CUL5: variants seen among roughly 807,000 people sequenced by gnomAD.
CUL5 encodes the protein cullin-5.
A neutral mutation model predicts 108.8 loss-of-function variants in CUL5; 26 were observed. The observed-to-expected ratio is 0.24, with a 90% CI of 0.18 to 0.33. The LOEUF is 0.33. Among genes scored for constraint, CUL5 ranks in the 10% least tolerant of loss-of-function variants. CUL5 has a pLI of 1.00. For synonymous variants in CUL5, 334 were observed against 298.0 expected (o/e 1.12, Z -1.25); for missense variants, 524 against 909.2 (o/e 0.58, Z 5.45).
At chr11:108,010,352 TAATAG>T (rs1862032279) in intron 1 of CUL5, among the ~76,000 whole-genome samples, 1 of 152,166 alleles carries the variant, frequency 6.6e-6, no homozygotes, top group South Asian at 2.1e-4. Flanking sequence ...TACTAGAAAA[TAATAG>T]AAAATATACA....
In CUL5 at chr11:108,107,029, T is replaced by C. The variant is rs773302035; in HGVS notation, c.*2645T>C. On this transcript the variant is annotated 3_prime_UTR_variant, in exon 19 of 19. Coordinates refer to ENST00000393094, the MANE Select transcript of CUL5 (RefSeq NM_003478.6). ...AGACAGAGTTTAAGAAGTAAAAATA[T>C]AGAAAAATTTTGATGGTCACAATGA... 7 of 150,580 alleles carry C rather than the reference T, an allele frequency of 4.6e-5. No individual in the cohort carries two copies. Among genetic ancestry groups the C allele is most frequent in the Admixed American group, 2.7e-4 (4 of 15,018 alleles). The allele number at this position is 150,580 out of a possible 1,614,324, so 9.3% of individuals were successfully genotyped here.
At chr11:108,091,348 G>A (rs1193302929) in intron 13 of CUL5, among the ~76,000 whole-genome samples, 1 of 147,682 alleles carries the variant, frequency 6.8e-6, no homozygotes, top group African/African-American at 2.4e-5. Flanking sequence ...ACCACACCCG[G>A]CCTATGTTAT....
intron 1 of CUL5, among the ~76,000 whole-genome samples, chr11:108,014,884 CTTATTA>C (rs979670338): frequency 1.3e-5 from 2 of 151,920 alleles, no homozygotes; most frequent in Non-Finnish European, 2.9e-5. Flanking sequence ...GCTCGGTGCT[CTTATTA>C]TTATTATTAT....
At position 108,094,824 on chromosome 11, in the gene CUL5, A is replaced by G; in HGVS notation, c.1580A>G (p.Asn527Ser). ...NKLALPADSV[N>S]IKILNAGAWS... ...TTCTTCTCTATAGCTGATTCAGTTAATATAAAAATTCTGAATGCTGGCGCC... is the reference window on the plus strand; with the variant it reads ...TTCTTCTCTATAGCTGATTCAGTTAGTATAAAAATTCTGAATGCTGGCGCC... Residue 527 changes from asparagine to serine, a missense_variant, in exon 15 of 19, where the codon AAT (asparagine) becomes AGT (serine). Physicochemically the swap from Asn to Ser is conservative, Grantham distance 46. This residue lies in a region of CUL5 where 64 missense variants were observed against 152.0 expected (regional missense o/e 0.42). Transcript: ENST00000393094. The G allele has an allele frequency of 1.3e-6, 2 of 1,595,810 alleles. No homozygotes were observed. The highest frequency in any genetic ancestry group is 1.7e-6 in the Non-Finnish European group (2 of 1,172,912).
intron 1 of CUL5, among the ~76,000 whole-genome samples, chr11:108,026,594 C>T (rs1008138840): frequency 2.6e-5 from 4 of 152,164 alleles, no homozygotes; most frequent in African/African-American, 9.7e-5. Flanking sequence ...CTATCCAGTG[C>T]AATTTAAATT....
chr11:108,053,025 C>T (rs571288383), intron 5 of CUL5, among the ~76,000 whole-genome samples: 1 of 152,102 alleles, frequency 6.6e-6, no homozygotes, highest in African/African-American at 2.4e-5. Context: ...AATTTCTTGG[C>T]AAGTCGTTTT....
chr11:108,018,529 G>C (rs1275196098), intron 1 of CUL5, among the ~76,000 whole-genome samples: 1 of 151,930 alleles, frequency 6.6e-6, no homozygotes, highest in African/African-American at 2.4e-5. Context: ...ACAAAAATTA[G>C]CTGAGTGTGG....
intron 7 of CUL5, among the ~76,000 whole-genome samples, chr11:108,061,613 T>G (rs1204311311): frequency 6.6e-6 from 1 of 152,186 alleles, no homozygotes; most frequent in African/African-American, 2.4e-5. Flanking sequence ...TTGTTTTCCT[T>G]TCTTTTCCAT....
chr11:108,023,272 G>A (rs529921826), intron 1 of CUL5, among the ~76,000 whole-genome samples: 4 of 152,048 alleles, frequency 2.6e-5, no homozygotes, highest in Non-Finnish European at 4.4e-5. Flanking sequence ...CAAAAAAAAC[G>A]CAGTATCTTC....
chr11:108,009,475 G>A, intron 1 of CUL5, 103 bp downstream of exon 1: 1 of 1,305,664 alleles, frequency 7.7e-7, no homozygotes, highest in Admixed American at 2.0e-5. Context: ...GGAGTGTTCA[G>A]GGGTTGTCCA....
chr11:108,038,677 G>GA (rs368452724), intron 2 of CUL5, among the ~76,000 whole-genome samples: 8,841 of 105,240 alleles, frequency 0.084, 344 homozygotes, highest in Non-Finnish European at 0.11. Context: ...CTCCATCTCA[G>GA]AAAAAAAAAA....
At chr11:108,032,634 C>A (rs1338997535) in intron 1 of CUL5, among the ~76,000 whole-genome samples, 2 of 151,992 alleles carry the variant, frequency 1.3e-5, no homozygotes, top group Non-Finnish European at 2.9e-5. Flanking sequence ...CATTATTTTT[C>A]CTAATATTGC....
chr11:108,039,997 G>T (rs953924054), intron 2 of CUL5, among the ~76,000 whole-genome samples: 1 of 151,398 alleles, frequency 6.6e-6, no homozygotes, highest in Non-Finnish European at 1.5e-5. Context: ...ACTATTTCTT[G>T]TTCTCTTCTA....
intron 18 of CUL5, among the ~76,000 whole-genome samples, chr11:108,102,474 G>T (rs980645464): frequency 6.6e-6 from 1 of 152,060 alleles, no homozygotes; most frequent in African/African-American, 2.4e-5. Flanking sequence ...CCACAGGCGC[G>T]TGCCACCATA....
chr11:108,073,246 A>G (rs1438732087), intron 9 of CUL5, 144 bp from the exon 10 acceptor site: 10 of 530,352 alleles, frequency 1.9e-5, no homozygotes, highest in Admixed American at 1.5e-4. Context: ...GCAAAACAGT[A>G]ATATTGGAAC....
intron 2 of CUL5, among the ~76,000 whole-genome samples, chr11:108,041,535 C>T (rs1862913362): frequency 6.6e-6 from 1 of 151,992 alleles, no homozygotes; most frequent in Admixed American, 6.6e-5. Flanking sequence ...CCTCAGCATC[C>T]CAAAATGCTG....
At chr11:108,039,315 C>T (rs1228187397) in intron 2 of CUL5, among the ~76,000 whole-genome samples, 4 of 152,262 alleles carry the variant, frequency 2.6e-5, no homozygotes, top group East Asian at 1.9e-4. Flanking sequence ...CCACTGTGCC[C>T]GGCCTGTCCA....
chr11:108,071,586 C>T (rs1311239736), intron 8 of CUL5, among the ~76,000 whole-genome samples: 2 of 152,038 alleles, frequency 1.3e-5, no homozygotes, highest in Non-Finnish European at 2.9e-5. Flanking sequence ...CTTGCCCTGT[C>T]ACCCAGGCTG....
At chr11:108,019,499 G>A (rs1048488197) in intron 1 of CUL5, among the ~76,000 whole-genome samples, 1 of 152,060 alleles carries the variant, frequency 6.6e-6, no homozygotes, top group African/African-American at 2.4e-5. Context: ...GGTCAACAAC[G>A]GATCACATAT....
Sources: allele counts gnomAD v4.1 joint callset (sites outside exome capture counted in the v4.1 genomes callset), GRCh38; gene constraint gnomAD v4.1.1; regional missense constraint gnomAD v4.1.1; transcripts MANE v1.5; gene names NCBI Gene and HGNC (gene_info 2026-07-23, HGNC 2026-07-21).